CNKSR3: variants seen among roughly 807,000 people sequenced by gnomAD.
CNKSR3 encodes the protein connector enhancer of kinase suppressor of ras 3.
In CNKSR3, 36 loss-of-function variants were observed where a neutral mutation model predicts 67.7. The observed-to-expected ratio is 0.53, with a 90% confidence interval of 0.41 to 0.70. CNKSR3 has a LOEUF of 0.70. CNKSR3 is among the 30% of genes least tolerant of loss of function. CNKSR3 has a pLI of 0.00. For missense variants in CNKSR3, 630 were observed against 695.2 expected, an observed-to-expected ratio of 0.91 and a Z score of 1.05; for synonymous variants, 281 against 271.4, an observed-to-expected ratio of 1.04 and a Z score of -0.35.
intron 1 of CNKSR3, among the ~76,000 whole-genome samples, chr6:154,453,013 T>C (rs1785872131): frequency 6.6e-6 from 1 of 152,220 alleles, no homozygotes; most frequent in Non-Finnish European, 1.5e-5. Flanking sequence ...TTTCCTTTCA[T>C]ATTAATCCAC....
intron 1 of CNKSR3, among the ~76,000 whole-genome samples, chr6:154,463,893 G>A (rs1013498828): frequency 2.0e-5 from 3 of 152,118 alleles, no homozygotes; most frequent in Non-Finnish European, 2.9e-5. Context: ...TACTTCTTAA[G>A]GTGCTGTGTT....
intron 12 of CNKSR3, 90 bp downstream of exon 12, chr6:154,410,253 T>C: frequency 1.2e-6 from 1 of 859,198 alleles, no homozygotes; most frequent in Non-Finnish European, 1.9e-6. Flanking sequence ...GTCTACTTAT[T>C]ATAACACATT....
chr6:154,458,546 T>C (rs1786006339), intron 1 of CNKSR3, among the ~76,000 whole-genome samples: 1 of 152,156 alleles, frequency 6.6e-6, no homozygotes, highest in Admixed American at 6.5e-5. Flanking sequence ...ACTACAATCA[T>C]GATAGAAACA....
At chr6:154,458,504 G>T (rs1007602644) in intron 1 of CNKSR3, among the ~76,000 whole-genome samples, 4 of 152,112 alleles carry the variant, frequency 2.6e-5, no homozygotes, top group African/African-American at 4.8e-5. Flanking sequence ...ACAACTCAGT[G>T]AGCTTGGACA....
intron 6 of CNKSR3, among the ~76,000 whole-genome samples, chr6:154,428,685 A>ATTATTT (rs1217306030): frequency 8.9e-6 from 1 of 112,432 alleles, no homozygotes; most frequent in African/African-American, 3.3e-5. Context: ...CACCCAGCTA[A>ATTATTT]TTATTTTTTT....
At chr6:154,508,786 G>A (rs1787153272) in intron 1 of CNKSR3, among the ~76,000 whole-genome samples, 1 of 152,216 alleles carries the variant, frequency 6.6e-6, no homozygotes, top group South Asian at 2.1e-4. Flanking sequence ...AGTTCTCCCA[G>A]AGGAGCAGGA....
rs535007170 is a variant in CNKSR3, at chr6:154,509,510, A to ATGT, written c.52+552_52+553insACA. ...GGCTCGAGGTTTCTCCCTGGCGCAA[A>ATGT]TGCTATGGTGTTGGCTTTTGCGCGG... On this transcript the variant is annotated intron_variant, in intron 1 of 12. Coordinates refer to ENST00000607772, the MANE Select transcript of CNKSR3 (RefSeq NM_173515.4). Among the ~76,000 whole-genome samples, 1,222 of 152,182 alleles carry ATGT rather than the reference A, an allele frequency of 8.0e-3. 40 individuals carry two copies. The highest frequency in any genetic ancestry group is 0.039 in the East Asian group (199 of 5,162).
chr6:154,410,952 C>G lies in CNKSR3; in HGVS notation c.1261G>C (p.Glu421Gln), dbSNP rs776492532. The G allele has an allele frequency of 1.2e-6, 2 of 1,612,292 alleles. No homozygotes were observed. The highest frequency in any genetic ancestry group is 1.1e-5 in the South Asian group (1 of 90,862). Residue 421 changes from glutamate (E) to glutamine (Q), a missense_variant, in exon 11 of 13, where the codon GAG becomes CAG. Transcript: ENST00000607772. ...AACTTACCATAAGATGGTGTTTTCT[C>G]TCTCATTTTTGTGGGCAGAATGTTG... ...ETNILPTKMR[E>Q]KTPSYGKPRP... is the part of the protein sequence containing the mutation.
At chr6:154,417,544 A>G (rs549810968) in intron 9 of CNKSR3, among the ~76,000 whole-genome samples, 2 of 152,106 alleles carry the variant, frequency 1.3e-5, no homozygotes, top group Non-Finnish European at 2.9e-5. Context: ...TCTTATGTTT[A>G]GATGTTATTA....
chr6:154,406,428 C>T lies in CNKSR3; in HGVS notation c.1594G>A (p.Ala532Thr). ...EGTKKKSGSS[A>T]TKSSSTEPSL... The stretch of plus-strand genomic sequence containing the variant: ...GGTTCTGTGGACGAGGACTTCGTAG[C>T]TGAGGAGCCAGATTTCTTTTTGGTC... The change falls in exon 13 of 13, where the codon GCT becomes ACT. Residue 532 changes from alanine (A) to threonine (T), a missense_variant. This residue lies in a region of CNKSR3 where 308 missense variants were observed against 299.6 expected (regional missense o/e 1.03). Coordinates refer to ENST00000607772, the MANE Select transcript of CNKSR3 (RefSeq NM_173515.4). 2 of 1,614,160 alleles carry T rather than the reference C, an allele frequency of 1.2e-6. No individual in the cohort carries two copies.
intron 1 of CNKSR3, among the ~76,000 whole-genome samples, chr6:154,504,082 C>T (rs1787048819): frequency 6.6e-6 from 1 of 152,202 alleles, no homozygotes; most frequent in Non-Finnish European, 1.5e-5. Flanking sequence ...TGGTCACAGA[C>T]CAGGTACCAG....
In CNKSR3 at chr6:154,441,272, GA is replaced by G; in HGVS notation, c.507+19del. The G allele has an allele frequency of 2.0e-6, 2 of 1,012,084 alleles. No homozygotes were observed. Among genetic ancestry groups the G allele is most frequent in the South Asian group, 1.5e-5 (1 of 66,440 alleles). The allele number at this position is 1,012,084 out of a possible 1,614,324, so 62.7% of individuals were successfully genotyped here. A position where few individuals can be genotyped will look rare whatever the true frequency, so the allele number is the denominator to read the frequency against. On this transcript the variant is annotated intron_variant, in intron 4 of 12. Transcript: ENST00000607772. ...AAAAAAAAAAAAAAAAAAAGAAAGT[GA>G]AAATGACATACTACTGACCTTCTGG...
In CNKSR3 at chr6:154,438,755, G is replaced by C. The variant is rs80295079; in HGVS notation, c.507+2537C>G. 4.8e-3 allele frequency among the ~76,000 whole-genome samples: 731 copies of C among 152,260 alleles called. 5 individuals carry two copies. Among genetic ancestry groups the C allele is most frequent in the Admixed American group, 8.3e-3 (127 of 15,290 alleles). On this transcript the variant is annotated intron_variant, in intron 4 of 12. Coordinates refer to ENST00000607772, the MANE Select transcript of CNKSR3 (RefSeq NM_173515.4). ...AAAACTAATACCTCTTGTGTCCCTT[G>C]AGTTCTGATAAAAGTCAAATTCTCA...
At position 154,402,721 on chromosome 6, in the gene CNKSR3, A is replaced by G. The variant is rs961284070; in HGVS notation, c.*3633T>C. The G allele has an allele frequency of 1.3e-5, 2 of 152,206 alleles. No homozygotes were observed. Among genetic ancestry groups the G allele is most frequent in the Non-Finnish European group, 2.9e-5 (2 of 68,036 alleles). 9.4% of individuals were successfully genotyped at this position (152,206 alleles called of 1,614,324 possible). On this transcript the variant is annotated 3_prime_UTR_variant, in exon 13 of 13. Transcript: ENST00000607772. ...ACTAGGTATGCCTAGAACTTTATCT[A>G]AAGAATTGGCCACATTTTAGAAAAT...
chr6:154,456,509 C>T (rs1360948388), intron 1 of CNKSR3, among the ~76,000 whole-genome samples: 1 of 149,002 alleles, frequency 6.7e-6, no homozygotes, highest in Admixed American at 6.7e-5. Context: ...ACGAGCCTGG[C>T]CAACATGGTG....
chr6:154,406,145 T>C lies in CNKSR3; in HGVS notation c.*209A>G. 3 of 569,566 alleles carry C rather than the reference T, an allele frequency of 5.3e-6. No homozygotes were observed. Among genetic ancestry groups the C allele is most frequent in the Non-Finnish European group, 9.3e-6 (3 of 322,398 alleles). 35.3% of individuals were successfully genotyped at this position (569,566 alleles called of 1,614,324 possible). ...GGCTCTACCCATTTCCCTCCTTTTG[T>C]CTCCACAAGCCAGCACCTAAGATCC... On this transcript the variant is annotated 3_prime_UTR_variant, in exon 13 of 13. Coordinates refer to ENST00000607772, the MANE Select transcript of CNKSR3 (RefSeq NM_173515.4).
intron 1 of CNKSR3, among the ~76,000 whole-genome samples, chr6:154,455,715 C>A (rs548956082): frequency 2.6e-5 from 4 of 152,280 alleles, no homozygotes; most frequent in African/African-American, 9.6e-5. Context: ...AGCCAACATG[C>A]CTGGCCTGCT....
intron 1 of CNKSR3, among the ~76,000 whole-genome samples, chr6:154,507,433 G>T (rs114213103): frequency 0.011 from 1,638 of 152,274 alleles, 34 homozygotes; most frequent in African/African-American, 0.038. Context: ...CTTATCAGTA[G>T]CATGTATTTA....
chr6:154,504,926 G>A (rs986412394), intron 1 of CNKSR3, among the ~76,000 whole-genome samples: 32 of 151,764 alleles, frequency 2.1e-4, no homozygotes, highest in African/African-American at 6.7e-4. Flanking sequence ...GATAATAAGT[G>A]CATCAATCAA....
Sources: allele counts gnomAD v4.1 joint callset (sites outside exome capture counted in the v4.1 genomes callset), GRCh38; gene constraint gnomAD v4.1.1; regional missense constraint gnomAD v4.1.1; transcripts MANE v1.5; gene names NCBI Gene and HGNC (gene_info 2026-07-23, HGNC 2026-07-21).